HTR3B: variants seen among roughly 807,000 people sequenced by gnomAD.
The protein encoded by HTR3B is 5-hydroxytryptamine receptor 3B, also known as 5-hydroxytryptamine (serotonin) receptor 3B, ionotropic.
A neutral mutation model predicts 42.8 loss-of-function variants in HTR3B; 44 were observed. The ratio of observed to expected loss-of-function variants is 1.03; its 90% CI spans 0.81 to 1.32. The LOEUF is 1.32. HTR3B is among the 40% of genes most tolerant of loss of function. HTR3B has a pLI of 0.00. For synonymous variants in HTR3B, 203 were observed against 209.0 expected (o/e 0.97, Z 0.25); for missense variants, 527 against 536.5 (o/e 0.98, Z 0.17).
At chr11:113,921,617 CAAAA>C (rs765786534) in intron 2 of HTR3B, among the ~76,000 whole-genome samples, 1 of 95,640 alleles carries the variant, frequency 1.0e-5, no homozygotes. Flanking sequence ...GACTCCGTCT[CAAAA>C]AAAAAAAAAA....
At chr11:113,926,496 T>TCCTTTCCTTTCCTTTCCTTTC (rs1949975352) in intron 2 of HTR3B, among the ~76,000 whole-genome samples, 1 of 145,478 alleles carries the variant, frequency 6.9e-6, no homozygotes, top group Middle Eastern at 3.2e-3. Context: ...TCCTTTCCTT[T>TCCTTTCCTTTCCTTTCCTTTC]CCTTTCCTTT....
chr11:113,916,844 C>T (rs953819923), intron 2 of HTR3B, among the ~76,000 whole-genome samples: 1 of 152,090 alleles, frequency 6.6e-6, no homozygotes, highest in Non-Finnish European at 1.5e-5. Context: ...TGCTAGCATA[C>T]AAAAACACAG....
In HTR3B at chr11:113,943,099, G is replaced by A. The variant is rs970549409; in HGVS notation, c.814G>A (p.Val272Met). The A allele has an allele frequency of 3.1e-6, 5 of 1,614,122 alleles. No homozygotes were observed. Among genetic ancestry groups the A allele is most frequent in the African/African-American group, 1.3e-5 (1 of 75,052 alleles). Residue 272 changes from valine to methionine, a missense_variant, in exon 7 of 9, where the codon GTG (valine) becomes ATG (methionine). Coordinates refer to ENST00000260191, the MANE Select transcript of HTR3B (RefSeq NM_006028.5). The stretch of plus-strand genomic sequence containing the variant: ...GCCACCCAACTGCCGAGCCAGGATT[G>A]TGTTCAAGACCAGTGTGCTGGTGGG... ...YLPPNCRARI[V>M]FKTSVLVGYT...
chr11:113,903,567 T>G (rs1197871195), upstream of HTR3B, among the ~76,000 whole-genome samples: 2 of 151,936 alleles, frequency 1.3e-5, no homozygotes, highest in Non-Finnish European at 2.9e-5. Flanking sequence ...TAGCTGGGAT[T>G]ACAGGCATGT....
Position 113,945,932 on chromosome 11 carries a change from A to G in HTR3B, c.1121A>G (p.Gln374Arg), listed in dbSNP as rs1457696107. ...TCGCTGTATGGAGAGCACCTGGCCC[A>G]GCCAGGAACCCTGAAGGAAGTCTGG... is the stretch of plus-strand genomic sequence containing the variant. ...ESSLYGEHLA[Q>R]PGTLKEVWSQ... Residue 374 changes from glutamine (Q) to arginine (R), a missense_variant, in exon 9 of 9, where the codon CAG becomes CGG. By Grantham distance (43) the Gln-to-Arg change is conservative. Transcript: ENST00000260191. 1.2e-6 allele frequency: 2 copies of G among 1,614,042 alleles called. No individual in the cohort carries two copies. Among genetic ancestry groups the G allele is most frequent in the African/African-American group, 1.3e-5 (1 of 74,950 alleles).
intron 6 of HTR3B, among the ~76,000 whole-genome samples, chr11:113,939,913 G>A (rs537781343): frequency 5.0e-4 from 72 of 144,672 alleles, no homozygotes; most frequent in Middle Eastern, 3.8e-3. Flanking sequence ...TTGAGACAGA[G>A]TCTCACTCTG....
chr11:113,927,569 T>C (rs1387105047), intron 2 of HTR3B, among the ~76,000 whole-genome samples: 1 of 141,058 alleles, frequency 7.1e-6, no homozygotes, highest in Non-Finnish European at 1.6e-5. Context: ...TTTTCTTTCC[T>C]TTTTTTTTTT....
chr11:113,907,732 G>C (rs1219193859), intron 1 of HTR3B, among the ~76,000 whole-genome samples: 2 of 152,162 alleles, frequency 1.3e-5, no homozygotes, highest in Admixed American at 1.3e-4. Context: ...TCATTTCTCA[G>C]AATTATGTTT....
intron 6 of HTR3B, among the ~76,000 whole-genome samples, chr11:113,936,620 G>C (rs186817566): frequency 6.6e-6 from 1 of 152,104 alleles, no homozygotes; most frequent in Non-Finnish European, 1.5e-5. Context: ...AGTGATGTGG[G>C]AATCACAGAC....
At chr11:113,923,130 A>G (rs1328816780) in intron 2 of HTR3B, among the ~76,000 whole-genome samples, 3 of 152,340 alleles carry the variant, frequency 2.0e-5, no homozygotes, top group African/African-American at 7.2e-5. Context: ...GGATAAGCCT[A>G]AAGTTAGTTC....
chr11:113,943,283 T>C, intron 7 of HTR3B, 91 bp downstream of exon 7: 1 of 1,117,832 alleles, frequency 8.9e-7, no homozygotes, highest in East Asian at 2.6e-5. Context: ...ATGCCCGTAA[T>C]ATCAGCACTT....
At chr11:113,913,707 GT>G (rs1949822311) in intron 2 of HTR3B, among the ~76,000 whole-genome samples, 1 of 151,724 alleles carries the variant, frequency 6.6e-6, no homozygotes, top group South Asian at 2.1e-4. Context: ...CAGAGACAGG[GT>G]TTTGCCATGT....
upstream of HTR3B, among the ~76,000 whole-genome samples, chr11:113,899,914 C>T (rs534012919): frequency 4.6e-5 from 7 of 152,152 alleles, no homozygotes; most frequent in Admixed American, 3.9e-4. Context: ...GTAAGAGAAT[C>T]GCAGATTCAA....
At chr11:113,935,888 C>T (rs1950087593) in intron 6 of HTR3B, among the ~76,000 whole-genome samples, 1 of 152,190 alleles carries the variant, frequency 6.6e-6, no homozygotes, top group Admixed American at 6.5e-5. Flanking sequence ...GCCTGAGGTA[C>T]ACTGCTGCCA....
intron 6 of HTR3B, among the ~76,000 whole-genome samples, chr11:113,933,386 T>C (rs1176743): frequency 0.41 from 62,008 of 151,766 alleles, 13,278 homozygotes; most frequent in African/African-American, 0.51. Flanking sequence ...CACACACACT[T>C]ACATTATGGC....
intron 2 of HTR3B, among the ~76,000 whole-genome samples, chr11:113,925,417 GTTTTTTTTTTTTTT>G (rs201996305): frequency 5.9e-4 from 59 of 100,720 alleles, no homozygotes; most frequent in Non-Finnish European, 4.6e-4. Flanking sequence ...TTACGAATTT[GTTTTTTTTTTTTTT>G]TTTTTTTTTT....
At chr11:113,944,537 C>T (rs752539888) in intron 7 of HTR3B, 36 bp from the exon 8 acceptor site, 1 of 1,599,094 alleles carries the variant, frequency 6.3e-7, no homozygotes, top group South Asian at 1.1e-5. Context: ...GCATTTCAGA[C>T]TGGAGGCTAA....
In HTR3B at chr11:113,931,250, T is replaced by A. The variant is rs921326827; in HGVS notation, c.214-134T>A. The stretch of plus-strand genomic sequence containing the variant: ...CTGAGAATGCCTAGGTATTGAAGAG[T>A]CTAGGTAATGTTTTTAATATCAGCA... On this transcript the variant is annotated intron_variant, in intron 2 of 8. Coordinates refer to ENST00000260191, the MANE Select transcript of HTR3B (RefSeq NM_006028.5). 8 of 679,874 alleles carry A rather than the reference T, an allele frequency of 1.2e-5. 1 individual carries two copies. The highest frequency in any genetic ancestry group is 1.6e-5 in the Non-Finnish European group (6 of 386,786). The allele number at this position is 679,874 out of a possible 1,614,324, so 42.1% of individuals were successfully genotyped here. A position where few individuals can be genotyped will look rare whatever the true frequency, so the allele number is the denominator to read the frequency against.
intron 6 of HTR3B, among the ~76,000 whole-genome samples, chr11:113,934,418 G>GAAAGAAAGAAGGAAAGAAAGAAAGAAA (rs1288670166): frequency 2.1e-5 from 3 of 143,938 alleles, no homozygotes; most frequent in South Asian, 2.2e-4. Flanking sequence ...AAAAAAGAAA[G>GAAAGAAAGAAGGAAAGAAAGAAAGAAA]AAAGAAAGAA....
Sources: allele counts gnomAD v4.1 joint callset (sites outside exome capture counted in the v4.1 genomes callset), GRCh38; gene constraint gnomAD v4.1.1; transcripts MANE v1.5; gene names NCBI Gene and HGNC (gene_info 2026-07-23, HGNC 2026-07-21).